ANO5: variants seen among roughly 807,000 people sequenced by gnomAD.
ANO5 encodes the protein anoctamin 5.
Under a neutral mutation model 121.0 loss-of-function variants are expected in ANO5, and 109 were observed. The ratio of observed to expected loss-of-function variants is 0.90; its 90% CI spans 0.77 to 1.06. ANO5 has a LOEUF of 1.06. ANO5 is among the 50% of genes least tolerant of loss of function. ANO5 has a pLI of 0.00. For synonymous variants in ANO5, 406 were observed against 359.9 expected, an observed-to-expected ratio of 1.13 and a Z score of -1.45; for missense variants, 1,064 against 1,078.5, an observed-to-expected ratio of 0.99 and a Z score of 0.19.
intron 12 of ANO5, among the ~76,000 whole-genome samples, chr11:22,252,394 C>A (rs1292940089): frequency 2.0e-5 from 3 of 152,036 alleles, no homozygotes; most frequent in African/African-American, 7.2e-5. Flanking sequence ...GATTGTGCAC[C>A]AACACCTGCC....
intron 8 of ANO5, among the ~76,000 whole-genome samples, chr11:22,238,721 AT>A (rs903375955): frequency 6.6e-6 from 1 of 151,680 alleles, no homozygotes; most frequent in African/African-American, 2.4e-5. Context: ...GCTAAATTTT[AT>A]TTTATTTATT....
chr11:22,244,469 A>G (rs1045695350), intron 9 of ANO5, among the ~76,000 whole-genome samples: 16 of 151,888 alleles, frequency 1.1e-4, no homozygotes, highest in African/African-American at 3.9e-4. Context: ...TTTATAGACT[A>G]TATCCTCAAG....
intron 5 of ANO5, among the ~76,000 whole-genome samples, chr11:22,225,293 T>C (rs1177548053): frequency 2.0e-5 from 3 of 151,924 alleles, no homozygotes; most frequent in Admixed American, 6.6e-5. Context: ...ACAGTCTCTA[T>C]GAAAAAATTT....
intron 1 of ANO5, among the ~76,000 whole-genome samples, chr11:22,201,305 T>C (rs531839033): frequency 4.6e-5 from 7 of 152,306 alleles, no homozygotes; most frequent in Admixed American, 4.6e-4. Context: ...TTGTGCTCAC[T>C]TTTCAGAAAC....
At chr11:22,261,916 T>G (rs1188549670) in intron 15 of ANO5, among the ~76,000 whole-genome samples, 3 of 152,190 alleles carry the variant, frequency 2.0e-5, no homozygotes, top group Non-Finnish European at 4.4e-5. Context: ...AATAGCTTCC[T>G]AGGCTTTTCC....
chr11:22,195,532 G>A (rs973704289), intron 1 of ANO5, among the ~76,000 whole-genome samples: 3 of 152,030 alleles, frequency 2.0e-5, no homozygotes, highest in Admixed American at 6.6e-5. Flanking sequence ...AGGCTCAAGC[G>A]ATCCTGCCAC....
chr11:22,218,544 C>G (rs1373786471), intron 4 of ANO5, among the ~76,000 whole-genome samples: 1 of 152,004 alleles, frequency 6.6e-6, no homozygotes, highest in Non-Finnish European at 1.5e-5. Context: ...TATGAACTCT[C>G]ATCAGGAATG....
At chr11:22,266,762 C>T (rs1854381575) in intron 17 of ANO5, among the ~76,000 whole-genome samples, 1 of 151,976 alleles carries the variant, frequency 6.6e-6, no homozygotes, top group Non-Finnish European at 1.5e-5. Context: ...GTCACAGTTT[C>T]ACAACCACAG....
intron 4 of ANO5, among the ~76,000 whole-genome samples, chr11:22,220,489 A>AC (rs34640935): frequency 0.69 from 105,008 of 151,694 alleles, 37,864 homozygotes; most frequent in Non-Finnish European, 0.81. Context: ...GCAAATTTAA[A>AC]AAAGGATTGA....
intron 9 of ANO5, among the ~76,000 whole-genome samples, chr11:22,240,272 A>C (rs1358253741): frequency 1.3e-5 from 2 of 152,042 alleles, no homozygotes; most frequent in Non-Finnish European, 1.5e-5. Context: ...CTATGGTTGC[A>C]GGTTATCACT....
chr11:22,253,194 A>C (rs940269131), intron 12 of ANO5, among the ~76,000 whole-genome samples: 2 of 152,186 alleles, frequency 1.3e-5, no homozygotes, highest in Admixed American at 1.3e-4. Flanking sequence ...AATCCTTTTC[A>C]GGGAATATAT....
chr11:22,263,884 T>A (rs1226691889), intron 17 of ANO5, among the ~76,000 whole-genome samples: 1 of 152,132 alleles, frequency 6.6e-6, no homozygotes, highest in African/African-American at 2.4e-5. Flanking sequence ...ACACACAATT[T>A]CATAGTGCCA....
At chr11:22,227,637 T>C in intron 7 of ANO5, 51 bp downstream of exon 7, 1 of 1,590,726 alleles carries the variant, frequency 6.3e-7, no homozygotes, top group Non-Finnish European at 8.6e-7. Context: ...AGATGTATGC[T>C]TGTGTGTGCT....
chr11:22,264,984 CA>C (rs1854313962), intron 17 of ANO5, among the ~76,000 whole-genome samples: 2 of 152,078 alleles, frequency 1.3e-5, no homozygotes, highest in Non-Finnish European at 2.9e-5. Flanking sequence ...GAGGCTTCCA[CA>C]TTAATCTACT....
intron 13 of ANO5, among the ~76,000 whole-genome samples, chr11:22,256,803 A>G (rs1564940053): frequency 6.6e-6 from 1 of 152,176 alleles, no homozygotes; most frequent in Non-Finnish European, 1.5e-5. Flanking sequence ...CAGAACTGTC[A>G]CATTTGAGTC....
chr11:22,201,661 G>A (rs968064288), intron 1 of ANO5, among the ~76,000 whole-genome samples: 1 of 152,166 alleles, frequency 6.6e-6, no homozygotes, highest in Non-Finnish European at 1.5e-5. Flanking sequence ...GCCCCTTCTT[G>A]CTGTGTCATA....
At chr11:22,269,496 AAAAGG>A (rs1309125606) in intron 17 of ANO5, among the ~76,000 whole-genome samples, 2,038 of 16,118 alleles carry the variant, frequency 0.13, 84 homozygotes, top group African/African-American at 0.41. Context: ...AAGAAAAAAG[AAAAGG>A]AAGGAAAGAA....
chr11:22,241,381 A>G (rs967879442), intron 9 of ANO5, among the ~76,000 whole-genome samples: 4 of 151,914 alleles, frequency 2.6e-5, no homozygotes, highest in African/African-American at 4.8e-5. Flanking sequence ...TTTTGGTAGA[A>G]CAATTTATAT....
At chr11:22,243,962 T>C (rs1234381727) in intron 9 of ANO5, among the ~76,000 whole-genome samples, 3 of 152,232 alleles carry the variant, frequency 2.0e-5, no homozygotes, top group African/African-American at 7.2e-5. Context: ...CGTTAGCTTG[T>C]TGTTTTGTAG....
Sources: gnomAD v4.1 joint callset for allele counts (sites outside exome capture counted in the v4.1 genomes callset) on GRCh38, gnomAD v4.1.1 for gene constraint, MANE v1.5 for transcripts, NCBI Gene and HGNC (gene_info 2026-07-23, HGNC 2026-07-21) for gene names.